The following SHANK2 variants were observed in gnomAD, a reference collection of about 807,000 sequenced individuals.
SHANK2 encodes SH3 and multiple ankyrin repeat domains protein 2.
In SHANK2, 43 loss-of-function variants were observed where a neutral mutation model predicts 133.7. The observed-to-expected ratio is 0.32, with a 90% CI of 0.25 to 0.41. The LOEUF (loss-of-function observed/expected upper bound fraction) is 0.41. Among genes scored for constraint, SHANK2 ranks in the 10% least tolerant of loss-of-function variants. The pLI is 1.00. For synonymous variants in SHANK2, 1,017 were observed against 952.8 expected (o/e 1.07, Z -1.24); for missense variants, 1,994 against 2,235.8 (o/e 0.89, Z 2.18).
chr11:70,796,425 C>T (rs1167356809), intron 14 of SHANK2, among the ~76,000 whole-genome samples: 1 of 152,196 alleles, frequency 6.6e-6, no homozygotes, highest in East Asian at 1.9e-4. Flanking sequence ...TGAGTCCTTC[C>T]AACAAAAGAG....
chr11:71,096,254 A>G (rs782814062), intron 6 of SHANK2, among the ~76,000 whole-genome samples: 71 of 152,326 alleles, frequency 4.7e-4, no homozygotes, highest in Non-Finnish European at 9.1e-4. Context: ...ATTTTCTGGG[A>G]CTAAGGGACT....
chr11:70,486,882 G>A lies in SHANK2; in HGVS notation c.3411C>T (p.Ser1137=), dbSNP rs1461730685. 7 of 1,612,724 alleles carry A rather than the reference G, an allele frequency of 4.3e-6. No individual in the cohort carries two copies. The highest frequency in any genetic ancestry group is 5.9e-6 in the Non-Finnish European group (7 of 1,179,910). The change falls in exon 25 of 26, where the codon AGC becomes AGT. Residue 1137 remains serine, a synonymous_variant. Transcript: ENST00000601538. This position sits in a 1 kb window ranked among gnomAD's most constrained non-coding sequence, Gnocchi z 8.0. ...PEEGDFADED[S]AEQLSSPMPS... The stretch of plus-strand genomic sequence containing the variant: ...GCATGGGGGATGACAGCTGCTCAGC[G>A]CTGTCCTCGTCAGCAAAATCCCCCT...
Position 71,113,291 on chromosome 11 carries a change from A to G in SHANK2, c.483+2T>C, listed in dbSNP as rs1332214445. Reference sequence around the variant, plus strand: ...GTAAATAACAGCCCGTTCCCTGCATACCTTCGTGTGGAGCTTGGCCAACTG... The same window carrying G: ...GTAAATAACAGCCCGTTCCCTGCATGCCTTCGTGTGGAGCTTGGCCAACTG... On this transcript the variant is annotated splice_donor_variant, in intron 5 of 25. Transcript: ENST00000601538. LOFTEE classifies it high-confidence loss of function. 1 of 1,551,518 alleles carries G rather than the reference A, an allele frequency of 6.4e-7. No homozygotes were observed. The highest frequency in any genetic ancestry group is 1.4e-5 in the African/African-American group (1 of 73,032).
chr11:71,089,019 C>G (rs1483381556), intron 8 of SHANK2, among the ~76,000 whole-genome samples: 1 of 152,090 alleles, frequency 6.6e-6, no homozygotes, highest in Non-Finnish European at 1.5e-5. Flanking sequence ...CACCACCCCA[C>G]CAGGGGCCGC....
intron 25 of SHANK2, among the ~76,000 whole-genome samples, chr11:70,476,710 G>C (rs2058669143): frequency 6.6e-6 from 1 of 152,226 alleles, no homozygotes; most frequent in African/African-American, 2.4e-5. Context: ...CAGAGGACTA[G>C]AGGAGGAGGG....
chr11:70,548,888 G>C (rs998154342), intron 17 of SHANK2, among the ~76,000 whole-genome samples: 4 of 152,162 alleles, frequency 2.6e-5, no homozygotes, highest in African/African-American at 9.7e-5. Context: ...CTGATGCAGA[G>C]ATGGGGGCTG....
chr11:70,879,532 A>G (rs1165844492), intron 11 of SHANK2, among the ~76,000 whole-genome samples: 1 of 152,196 alleles, frequency 6.6e-6, no homozygotes, highest in Non-Finnish European at 1.5e-5. Context: ...GACCACACGG[A>G]AAATTCCGGA....
At chr11:70,660,067 G>C in intron 16 of SHANK2, 115 bp from the exon 17 acceptor site, 2 of 1,374,514 alleles carry the variant, frequency 1.5e-6, no homozygotes, top group African/African-American at 2.8e-5. Flanking sequence ...TCCCATTGCA[G>C]GTGGCTAGTC....
At chr11:70,933,132 A>C (rs1435985884) in intron 10 of SHANK2, 3 of 456,618 alleles carry the variant, frequency 6.6e-6, no homozygotes, top group Non-Finnish European at 1.3e-5. Context: ...CCGGCAGATA[A>C]ATGGATGAAC....
intron 14 of SHANK2, among the ~76,000 whole-genome samples, chr11:70,736,403 T>C (rs1946403812): frequency 6.6e-6 from 1 of 152,176 alleles, no homozygotes; most frequent in African/African-American, 2.4e-5. Context: ...GTTAAGGATC[T>C]TGGGATGAGG....
chr11:71,236,589 C>T (rs1555123752), intron 1 of SHANK2, among the ~76,000 whole-genome samples: 1 of 152,168 alleles, frequency 6.6e-6, no homozygotes, highest in Non-Finnish European at 1.5e-5. Flanking sequence ...AGCCTGGTTC[C>T]AGTAGGCAAC....
intron 15 of SHANK2, among the ~76,000 whole-genome samples, chr11:70,671,506 G>T (rs1555016054): frequency 6.6e-6 from 1 of 152,224 alleles, no homozygotes; most frequent in Non-Finnish European, 1.5e-5. Context: ...CTCAGCAGGG[G>T]CTGGAAGGCT....
At chr11:70,943,526 A>C (rs1427409417) in intron 10 of SHANK2, among the ~76,000 whole-genome samples, 1 of 152,082 alleles carries the variant, frequency 6.6e-6, no homozygotes, top group African/African-American at 2.4e-5. Flanking sequence ...GATTTAGGGC[A>C]CAGCAAACTC....
chr11:71,252,630 C>G (rs1555126049), upstream of SHANK2: 1 of 151,152 alleles, frequency 6.6e-6, no homozygotes, highest in Non-Finnish European at 1.5e-5. This position sits in a 1 kb window ranked among gnomAD's most constrained non-coding sequence, Gnocchi z 6.3. Context: ...GGGGGAGGGG[C>G]CCTCTCGCCG....
chr11:70,735,080 G>A, intron 14 of SHANK2, among the ~76,000 whole-genome samples: 1 of 152,334 alleles, frequency 6.6e-6, no homozygotes, highest in East Asian at 1.9e-4. Context: ...CGGGGTCAGT[G>A]TGGGAAGGTG....
At chr11:70,619,782 G>C (rs2060805102) in intron 17 of SHANK2, among the ~76,000 whole-genome samples, 1 of 152,156 alleles carries the variant, frequency 6.6e-6, no homozygotes, top group African/African-American at 2.4e-5. Flanking sequence ...AGGCGTGCTA[G>C]TCAGTGCCGG....
chr11:70,584,287 C>T (rs550257082), intron 17 of SHANK2, among the ~76,000 whole-genome samples: 8 of 152,278 alleles, frequency 5.3e-5, no homozygotes, highest in South Asian at 4.1e-4. Context: ...GTCTGTGTTC[C>T]GATCCCGTGT....
At chr11:70,649,581 A>C (rs2061315330) in intron 17 of SHANK2, among the ~76,000 whole-genome samples, 1 of 152,174 alleles carries the variant, frequency 6.6e-6, no homozygotes, top group South Asian at 2.1e-4. Flanking sequence ...AGGCGAAGAG[A>C]AATCAGTACT....
Position 70,472,820 on chromosome 11 carries a change from C to T in SHANK2, c.*49G>A. On this transcript the variant is annotated 3_prime_UTR_variant, in exon 26 of 26. Coordinates refer to ENST00000601538, the MANE Select transcript of SHANK2 (RefSeq NM_012309.5). This position sits in a 1 kb window ranked among gnomAD's most constrained non-coding sequence, Gnocchi z 4.4. ...GCATTCAGATGTTTCAGCACGAGCCCATCTCTACTTATAACAAGAGCAGTC... is the reference window on the plus strand; with the variant it reads ...GCATTCAGATGTTTCAGCACGAGCCTATCTCTACTTATAACAAGAGCAGTC... 1 of 1,563,180 alleles carries T rather than the reference C, an allele frequency of 6.4e-7. No homozygotes were observed. The highest frequency in any genetic ancestry group is 1.7e-4 in the Middle Eastern group (1 of 5,964).
Sources: allele counts gnomAD v4.1 joint callset (sites outside exome capture counted in the v4.1 genomes callset), GRCh38; gene constraint gnomAD v4.1.1; non-coding constraint Gnocchi (gnomAD v3.1); transcripts MANE v1.5; gene names NCBI Gene and HGNC (gene_info 2026-07-23, HGNC 2026-07-21).